Variants in TKT observed in about 807,000 individuals in gnomAD.
TKT encodes the protein epididymis luminal protein 107.
In TKT, 47 loss-of-function variants were observed where a neutral mutation model predicts 63.9. The observed-to-expected ratio is 0.74, with a 90% CI of 0.58 to 0.94. The LOEUF (loss-of-function observed/expected upper bound fraction) is 0.94, where lower values mean the gene tolerates loss of function less well. Ranked by LOEUF, TKT falls within the 40% of genes least tolerant of loss-of-function variation. The probability of loss-of-function intolerance (pLI) is 0.00; values close to 1 mark genes in which losing one functional copy is unlikely to be tolerated. For missense variants in TKT, 721 were observed against 846.2 expected, an observed-to-expected ratio of 0.85 and a Z score of 1.84; for synonymous variants, 338 against 334.1, an observed-to-expected ratio of 1.01 and a Z score of -0.13.
At chr3:53,227,974 C>T in intron 12 of TKT, 82 bp downstream of exon 12, 1 of 1,221,566 alleles carries the variant, frequency 8.2e-7, no homozygotes, top group Non-Finnish European at 1.2e-6. Context: ...CAAGAAAGAA[C>T]AGAAAGAACG....
chr3:53,256,020 G>C lies in TKT; in HGVS notation c.-78C>G, dbSNP rs912741191. ...GCTCCCGCGGCGACAGGCGGCTGCCGAGGCCGGGCGCGGGGCGGGGGCGCG... is the reference window on the plus strand; with the variant it reads ...GCTCCCGCGGCGACAGGCGGCTGCCCAGGCCGGGCGCGGGGCGGGGGCGCG... On this transcript the variant is annotated 5_prime_UTR_variant, in exon 1 of 14. Coordinates refer to ENST00000462138, the MANE Select transcript of TKT (RefSeq NM_001064.4). 18 of 1,008,016 alleles carry C rather than the reference G, an allele frequency of 1.8e-5. No individual in the cohort carries two copies. The African/African-American group carries it at 2.9e-4, about 16-fold the overall frequency. The allele number at this position is 1,008,016 out of a possible 1,614,324, so 62.4% of individuals were successfully genotyped here. A position where few individuals can be genotyped will look rare whatever the true frequency, so the allele number is the denominator to read the frequency against.
In TKT at chr3:53,240,308, T is replaced by C. The variant is rs1553679517; in HGVS notation, c.380A>G (p.Gln127Arg). 6.2e-7 allele frequency: 1 copy of C among 1,613,134 alleles called. No individual in the cohort carries two copies. The highest frequency in any genetic ancestry group is 8.5e-7 in the Non-Finnish European group (1 of 1,179,496). Residue 127 changes from glutamine to arginine, a missense_variant, in exon 4 of 14, where the codon CAG becomes CGG. Transcript: ENST00000462138. ...FTDVATGSLG[Q>R]GLGAACGMAY... ...CATCCCACAAGCGGCCCCGAGGCCCTGGCCCAGGGAGCCAGTGGCCACGTC... is the reference window on the plus strand; with the variant it reads ...CATCCCACAAGCGGCCCCGAGGCCCCGGCCCAGGGAGCCAGTGGCCACGTC...
At chr3:53,242,892 GC>G (rs543622098) in intron 1 of TKT, among the ~76,000 whole-genome samples, 183 of 152,308 alleles carry the variant, frequency 1.2e-3, no homozygotes, top group Non-Finnish European at 2.0e-3. Flanking sequence ...TGGGCCTTGG[GC>G]TTTCCAATTG....
Position 53,230,840 on chromosome 3 carries a change from G to T in TKT, c.943-219C>A, listed in dbSNP as rs141152083. 7.2e-3 allele frequency among the ~76,000 whole-genome samples: 1,093 copies of T among 152,144 alleles called. 6 individuals carry two copies. The highest frequency in any genetic ancestry group is 0.022 in the African/African-American group (933 of 41,488). On this transcript the variant is annotated intron_variant, in intron 7 of 13. Coordinates refer to ENST00000462138, the MANE Select transcript of TKT (RefSeq NM_001064.4). ...CCCCGGCCCCTTCTGGCTGTGAAAG[G>T]TATAAGCTACAGAAGACACCCACCA... is the stretch of plus-strand genomic sequence containing the variant.
In TKT at chr3:53,239,726, G is replaced by T. The variant is rs530949792; in HGVS notation, c.437+525C>A. Among the ~76,000 whole-genome samples the T allele has an allele frequency of 3.3e-3, 500 of 152,256 alleles. 3 individuals are homozygous for T. The highest frequency in any genetic ancestry group is 0.012 in the African/African-American group (480 of 41,538). On this transcript the variant is annotated intron_variant, in intron 4 of 13. Transcript: ENST00000462138. ...CAGGCTCATCACCCACCCTCTGAAG[G>T]CTCAATCTCTCAAATGTTTGTTTCT...
At chr3:53,234,916 G>A in intron 5 of TKT, 67 bp downstream of exon 5, 2 of 1,489,646 alleles carry the variant, frequency 1.3e-6, no homozygotes, top group South Asian at 1.4e-5. Context: ...ACCTGCACCT[G>A]CAAAGCTGTG....
At chr3:53,249,722 C>G (rs1487217365) in intron 1 of TKT, among the ~76,000 whole-genome samples, 1 of 152,140 alleles carries the variant, frequency 6.6e-6, no homozygotes, top group Non-Finnish European at 1.5e-5. Context: ...TGAGCAACCC[C>G]CATCTGCAGG....
chr3:53,229,980 C>T (rs1256472796), intron 8 of TKT, among the ~76,000 whole-genome samples: 2 of 152,214 alleles, frequency 1.3e-5, no homozygotes, highest in African/African-American at 2.4e-5. Flanking sequence ...TACTTCACAA[C>T]CTCAGTTCCT....
Position 53,230,741 on chromosome 3 carries a change from C to G in TKT, c.943-120G>C, listed in dbSNP as rs1399507596. 5 of 1,222,670 alleles carry G rather than the reference C, an allele frequency of 4.1e-6. No individual in the cohort carries two copies. In the African/African-American group the frequency reaches 4.6e-5, roughly 11 times the overall value. 75.7% of individuals were successfully genotyped at this position (1,222,670 alleles called of 1,614,324 possible). On this transcript the variant is annotated intron_variant, in intron 7 of 13. Coordinates refer to ENST00000462138, the MANE Select transcript of TKT (RefSeq NM_001064.4). ...GGCCAAAAATGGAAGCCCTGGAGCA[C>G]AAGGTCCTGCAGAGGCTTTTAACTG...
Position 53,228,977 on chromosome 3 carries a change from A to AGCAG in TKT, c.1395+26_1395+29dup, listed in dbSNP as rs1553676235. The AGCAG allele has an allele frequency of 1.9e-6, 3 of 1,612,792 alleles. No individual in the cohort carries two copies. In the Admixed American group the frequency reaches 5.0e-5, roughly 27 times the overall value. ...TTTCCCTTGGGAAGTGATGGCTGCC[A>AGCAG]GCAGGAGAAAGAACAGCCATGCAAC... On this transcript the variant is annotated intron_variant, in intron 10 of 13. Transcript: ENST00000462138.
intron 8 of TKT, 97 bp from the exon 9 acceptor site, chr3:53,229,533 T>TA: frequency 7.6e-7 from 1 of 1,319,698 alleles, no homozygotes; most frequent in Non-Finnish European, 1.0e-6. Context: ...AATTTGTATA[T>TA]AGATTGTCCA....
At chr3:53,226,034 G>A in intron 13 of TKT, 103 bp from the exon 14 acceptor site, 1 of 1,125,948 alleles carries the variant, frequency 8.9e-7, no homozygotes, top group Non-Finnish European at 1.2e-6. Context: ...GGCTGCATAT[G>A]CACTGCCTTT....
chr3:53,228,846 AT>A (rs782634007), intron 10 of TKT, 160 bp downstream of exon 10: 2 of 1,001,160 alleles, frequency 2.0e-6, no homozygotes, highest in Non-Finnish European at 2.9e-6. Context: ...TGGGGTGTGT[AT>A]TTCGTTTTTT....
chr3:53,243,862 T>C (rs1553680441), intron 1 of TKT, among the ~76,000 whole-genome samples: 2 of 152,002 alleles, frequency 1.3e-5, no homozygotes, highest in African/African-American at 4.8e-5. Flanking sequence ...GGATCCTTGG[T>C]GGGAGAAGGA....
chr3:53,228,794 A>C, intron 10 of TKT: 1 of 677,850 alleles, frequency 1.5e-6, no homozygotes, highest in South Asian at 1.8e-5. Flanking sequence ...CAGCAGAGAC[A>C]GACTGGCAAT....
intron 8 of TKT, among the ~76,000 whole-genome samples, chr3:53,229,935 G>T (rs1393320405): frequency 1.3e-5 from 2 of 152,174 alleles, no homozygotes; most frequent in African/African-American, 4.8e-5. Flanking sequence ...CACCAGGAGG[G>T]GATATTTTGA....
chr3:53,252,634 A>G (rs1039578544), intron 1 of TKT, among the ~76,000 whole-genome samples: 1 of 152,168 alleles, frequency 6.6e-6, no homozygotes, highest in African/African-American at 2.4e-5. Context: ...CGGAGGGGTA[A>G]CGGCGGTGAG....
At chr3:53,243,381 A>AAGACACGCC (rs1269069841) in intron 1 of TKT, among the ~76,000 whole-genome samples, 2 of 151,946 alleles carry the variant, frequency 1.3e-5, no homozygotes, top group Non-Finnish European at 2.9e-5. Flanking sequence ...CCTTCACACG[A>AAGACACGCC]AGACACGCCG....
At position 53,256,013 on chromosome 3, in the gene TKT, G is replaced by A. The variant is rs1296011842; in HGVS notation, c.-71C>T. 7.3e-6 allele frequency: 8 copies of A among 1,099,214 alleles called. No homozygotes were observed. The highest frequency in any genetic ancestry group is 9.7e-6 in the Non-Finnish European group (8 of 825,578). The allele number at this position is 1,099,214 out of a possible 1,614,324, so 68.1% of individuals were successfully genotyped here. Reference sequence around the variant, plus strand: ...AGCGGCTGCTCCCGCGGCGACAGGCGGCTGCCGAGGCCGGGCGCGGGGCGG... The same window carrying A: ...AGCGGCTGCTCCCGCGGCGACAGGCAGCTGCCGAGGCCGGGCGCGGGGCGG... On this transcript the variant is annotated 5_prime_UTR_variant, in exon 1 of 14. Transcript: ENST00000462138.
Sources: gnomAD v4.1 joint callset for allele counts (sites outside exome capture counted in the v4.1 genomes callset) on GRCh38, gnomAD v4.1.1 for gene constraint, MANE v1.5 for transcripts, NCBI Gene and HGNC (gene_info 2026-07-23, HGNC 2026-07-21) for gene names.